ARHGEF4: variants seen among roughly 807,000 people sequenced by gnomAD.
ARHGEF4 encodes Rho guanine nucleotide exchange factor 4, also known as APC-stimulated guanine nucleotide exchange factor 1.
In ARHGEF4, 119 loss-of-function variants were observed where a neutral mutation model predicts 162.0. The ratio of observed to expected loss-of-function variants is 0.73; its 90% CI spans 0.63 to 0.86. ARHGEF4 has a LOEUF of 0.86. Ranked by LOEUF, ARHGEF4 falls within the 40% of genes least tolerant of loss-of-function variation. The pLI, the probability that ARHGEF4 is intolerant of heterozygous loss-of-function variation, is 0.00. For missense variants in ARHGEF4, 2,488 were observed against 2,456.0 expected, an observed-to-expected ratio of 1.01 and a Z score of -0.28; for synonymous variants, 1,014 against 979.9, an observed-to-expected ratio of 1.03 and a Z score of -0.65.
Position 131,041,908 on chromosome 2 carries a change from G to A in ARHGEF4, c.4989G>A (p.Lys1663=), listed in dbSNP as rs777362048. 5.6e-6 allele frequency: 9 copies of A among 1,613,688 alleles called. No homozygotes were observed. Among genetic ancestry groups the A allele is most frequent in the Non-Finnish European group, 5.9e-6 (7 of 1,180,030 alleles). The change falls in exon 10 of 14, where the codon AAG becomes AAA. Residue 1663 remains lysine, a synonymous_variant. Transcript: ENST00000409359. Reference sequence around the variant, plus strand: ...AGCGGAGACTTGAGAACATCGACAAGATTGCTCAGTGGCAGAGCTCCATAG... The same window carrying A: ...AGCGGAGACTTGAGAACATCGACAAAATTGCTCAGTGGCAGAGCTCCATAG... ...ERKRRLENID[K]IAQWQSSIED...
At chr2:130,937,160 C>CG (rs397935380) in intron 3 of ARHGEF4, among the ~76,000 whole-genome samples, 1 of 151,776 alleles carries the variant, frequency 6.6e-6, no homozygotes, top group Admixed American at 6.6e-5. Context: ...ATCTTCCCCC[C>CG]TCGGCCTCCC....
rs1488470277 is a variant in ARHGEF4 at position 130,914,454 on chromosome 2, C to G, written c.508C>G (p.Arg170Gly). 1 of 1,433,460 alleles carries G rather than the reference C, an allele frequency of 7.0e-7. No individual in the cohort carries two copies. The allele number at this position is 1,433,460 out of a possible 1,614,324, so 88.8% of individuals were successfully genotyped here. A position where few individuals can be genotyped will look rare whatever the true frequency, so the allele number is the denominator to read the frequency against. ...CTGGGACTGCGCGACCAGCCTGGAG[C>G]GAGAGTCTTTGCTGGCAGGGGTTCC... ...HLWDCATSLE[R>G]ESLLAGVPRH... Residue 170 changes from arginine (R) to glycine (G), a missense_variant, in exon 2 of 14, where the codon CGA (arginine) becomes GGA (glycine). By Grantham distance (125) the Arg-to-Gly change is moderately radical (BLOSUM62 -2). Around this residue, in one of 6 missense-constraint regions of ARHGEF4, gnomAD observed 81 missense variants for 125.8 expected, o/e 0.64. Coordinates refer to ENST00000409359, the MANE Select transcript of ARHGEF4 (RefSeq NM_001367493.1).
In ARHGEF4 at chr2:130,994,833, A is replaced by G. The variant is rs1032942159; in HGVS notation, c.3986-33112A>G. 2.6e-5 allele frequency among the ~76,000 whole-genome samples: 4 copies of G among 152,312 alleles called. No homozygotes were observed. In the Middle Eastern group the frequency reaches 0.01, roughly 389 times the overall value. The stretch of plus-strand genomic sequence containing the variant: ...AATCTTAATTCCTTGCATTTTGTGT[A>G]TAGAAGTGGACTCTTTATAGATGCC... On this transcript the variant is annotated intron_variant, in intron 4 of 13. Transcript: ENST00000409359.
chr2:130,895,296 G>A (rs528779082), intron 1 of ARHGEF4, among the ~76,000 whole-genome samples: 3 of 152,294 alleles, frequency 2.0e-5, no homozygotes, highest in South Asian at 2.1e-4. Context: ...GGGGTGGCCC[G>A]TGGTTCCTTG....
intron 12 of ARHGEF4, 82 bp downstream of exon 12, chr2:131,044,624 A>C: frequency 6.7e-7 from 1 of 1,488,470 alleles, no homozygotes; most frequent in Non-Finnish European, 9.0e-7. Context: ...CGGTCAGGAG[A>C]GCGCCGCTCA....
intron 4 of ARHGEF4, among the ~76,000 whole-genome samples, chr2:130,985,104 G>A (rs1686394582): frequency 6.6e-6 from 1 of 152,134 alleles, no homozygotes; most frequent in Non-Finnish European, 1.5e-5. Flanking sequence ...CCTGCTATAT[G>A]GGCCCAAAAA....
rs1475983067 is a variant in ARHGEF4 at position 130,836,975 on chromosome 2, C to T, written c.22C>T (p.Leu8Phe). MLSVVHF[L>F]RSFFKTPEPG... Reference sequence around the variant, plus strand: ...CACCATGCTCAGCGTCGTGCACTTCCTCCGGAGCTTCTTCAAGGTGAGAGC... The same window carrying T: ...CACCATGCTCAGCGTCGTGCACTTCTTCCGGAGCTTCTTCAAGGTGAGAGC... The change falls in exon 1 of 14, where the codon CTC becomes TTC. Residue 8 changes from leucine to phenylalanine, a missense_variant. Coordinates refer to ENST00000409359, the MANE Select transcript of ARHGEF4 (RefSeq NM_001367493.1). 1 of 1,227,032 alleles carries T rather than the reference C, an allele frequency of 8.1e-7. No individual in the cohort carries two copies. The allele number at this position is 1,227,032 out of a possible 1,614,324, so 76.0% of individuals were successfully genotyped here. A position where few individuals can be genotyped will look rare whatever the true frequency, so the allele number is the denominator to read the frequency against.
intron 4 of ARHGEF4, among the ~76,000 whole-genome samples, chr2:131,000,361 T>C (rs147249378): frequency 1.2e-4 from 18 of 152,346 alleles, no homozygotes; most frequent in Non-Finnish European, 1.9e-4. Flanking sequence ...CGGGATTTTG[T>C]ATCTATTTTC....
At chr2:130,955,729 T>G (rs1684226947) in intron 4 of ARHGEF4, among the ~76,000 whole-genome samples, 1 of 152,214 alleles carries the variant, frequency 6.6e-6, no homozygotes, top group African/African-American at 2.4e-5. Flanking sequence ...GATCACTTTC[T>G]GAGGTCAGTG....
At chr2:131,037,158 G>A (rs1249141480) in intron 5 of ARHGEF4, among the ~76,000 whole-genome samples, 5 of 152,210 alleles carry the variant, frequency 3.3e-5, no homozygotes, top group Admixed American at 6.5e-5. Context: ...CGTGGCTGCC[G>A]CGCTGTGAGG....
intron 1 of ARHGEF4, among the ~76,000 whole-genome samples, chr2:130,848,085 G>C (rs893110986): frequency 6.6e-6 from 1 of 152,238 alleles, no homozygotes; most frequent in Admixed American, 6.5e-5. Flanking sequence ...CTCTGCCCAG[G>C]TGGGCAGGGA....
At chr2:131,007,800 CTTTTTTTTTT>C (rs70994731) in intron 4 of ARHGEF4, among the ~76,000 whole-genome samples, 98 of 55,912 alleles carry the variant, frequency 1.8e-3, no homozygotes, top group African/African-American at 7.2e-3. Context: ...CTTTTCTTTT[CTTTTTTTTTT>C]TTTTTTTTTT....
chr2:130,912,715 G>C (rs1430758691), intron 1 of ARHGEF4, among the ~76,000 whole-genome samples: 1 of 152,142 alleles, frequency 6.6e-6, no homozygotes, highest in Non-Finnish European at 1.5e-5. Context: ...AGCATCGACT[G>C]CTGTGCACAG....
At chr2:130,918,402 T>G (rs1054730754) in intron 2 of ARHGEF4, among the ~76,000 whole-genome samples, 1 of 152,164 alleles carries the variant, frequency 6.6e-6, no homozygotes, top group African/African-American at 2.4e-5. Flanking sequence ...AGGAGAGAGC[T>G]TTTCTGGAAA....
chr2:131,025,386 G>A (rs1306081521), intron 4 of ARHGEF4, among the ~76,000 whole-genome samples: 1 of 152,206 alleles, frequency 6.6e-6, no homozygotes, highest in East Asian at 1.9e-4. Flanking sequence ...GATTTGGGCA[G>A]GGTCACAAAT....
chr2:130,895,757 A>AT (rs1457899748), intron 1 of ARHGEF4, among the ~76,000 whole-genome samples: 1 of 152,064 alleles, frequency 6.6e-6, no homozygotes, highest in Non-Finnish European at 1.5e-5. Context: ...GCAGATACAT[A>AT]TTTTTTCAAA....
chr2:131,025,676 T>C (rs1215787349), intron 4 of ARHGEF4, among the ~76,000 whole-genome samples: 1 of 152,204 alleles, frequency 6.6e-6, no homozygotes, highest in East Asian at 1.9e-4. Context: ...CATTAACAAA[T>C]AAGTCATGGC....
chr2:130,910,432 C>T (rs1244912782), intron 1 of ARHGEF4, among the ~76,000 whole-genome samples: 1 of 152,056 alleles, frequency 6.6e-6, no homozygotes, highest in Non-Finnish European at 1.5e-5. Context: ...CCTTTATTAC[C>T]ACTGGTAATA....
chr2:130,995,074 G>A (rs1386685564), intron 4 of ARHGEF4, among the ~76,000 whole-genome samples: 1 of 152,232 alleles, frequency 6.6e-6, no homozygotes, highest in Non-Finnish European at 1.5e-5. Context: ...CTTGATGTCT[G>A]TCACTTATTT....
Sources: allele counts gnomAD v4.1 joint callset (sites outside exome capture counted in the v4.1 genomes callset), GRCh38; gene constraint gnomAD v4.1.1; regional missense constraint gnomAD v4.1.1; transcripts MANE v1.5; gene names NCBI Gene and HGNC (gene_info 2026-07-23, HGNC 2026-07-21).